The following GOLM2 variants were observed in gnomAD, a reference collection of about 807,000 sequenced individuals.
GOLM2 encodes golgi membrane protein 2.
Under a neutral mutation model 55.9 loss-of-function variants are expected in GOLM2, and 26 were observed. That is an observed-to-expected ratio of 0.47 (90% CI 0.34 to 0.65). The LOEUF is 0.65. Among genes scored for constraint, GOLM2 ranks in the 30% least tolerant of loss-of-function variants. GOLM2 has a pLI of 0.01. For missense variants in GOLM2, 486 were observed against 531.8 expected (o/e 0.91, Z 0.85); for synonymous variants, 165 against 194.6 (o/e 0.85, Z 1.27).
rs568188566 is a variant in GOLM2, at chr15:44,372,433, C to CT, written c.803-7250dup. ...ATGGGAGGAAAAGGCAGGATCAGTT[C>CT]TTTTTTTGCCTCTCAGAGTAGGGGC... On this transcript the variant is annotated intron_variant, in intron 6 of 9. Transcript: ENST00000299957. Among the ~76,000 whole-genome samples the CT allele has an allele frequency of 6.6e-4, 101 of 152,208 alleles. 1 individual carries two copies. Among genetic ancestry groups the CT allele is most frequent in the African/African-American group, 2.4e-3 (99 of 41,532 alleles).
intron 8 of GOLM2, among the ~76,000 whole-genome samples, chr15:44,384,907 TAA>T (rs137866986): frequency 2.5e-4 from 35 of 140,702 alleles, no homozygotes; most frequent in South Asian, 2.3e-4. Flanking sequence ...GACTGCATCT[TAA>T]AAAAAAAAAA....
chr15:44,329,397 T>C (rs938140079), intron 3 of GOLM2, among the ~76,000 whole-genome samples: 1 of 152,258 alleles, frequency 6.6e-6, no homozygotes, highest in South Asian at 2.1e-4. Flanking sequence ...CATTTCTGAC[T>C]TCTTACTCTT....
chr15:44,392,114 TG>T (rs1567042470), intron 8 of GOLM2, among the ~76,000 whole-genome samples: 1 of 151,886 alleles, frequency 6.6e-6, no homozygotes, highest in Non-Finnish European at 1.5e-5. Context: ...CCTCCCAAAG[TG>T]CTGGGATTAC....
chr15:44,393,808 C>T (rs1487316402), intron 8 of GOLM2, among the ~76,000 whole-genome samples: 6 of 152,280 alleles, frequency 3.9e-5, no homozygotes, highest in East Asian at 3.9e-4. Context: ...TCTCCTCCCT[C>T]AGCCTCCTGA....
chr15:44,298,630 T>G (rs777948247), intron 1 of GOLM2, among the ~76,000 whole-genome samples: 2 of 152,180 alleles, frequency 1.3e-5, no homozygotes, highest in Non-Finnish European at 2.9e-5. Context: ...TTCATTAACT[T>G]ATTTTGTTCA....
intron 6 of GOLM2, among the ~76,000 whole-genome samples, chr15:44,353,165 A>G (rs1229780427): frequency 6.6e-6 from 1 of 152,226 alleles, no homozygotes; most frequent in East Asian, 1.9e-4. Flanking sequence ...TCAAAGAACC[A>G]TAAATCAAAA....
intron 6 of GOLM2, among the ~76,000 whole-genome samples, chr15:44,360,074 A>G (rs2079226501): frequency 1.3e-5 from 2 of 152,200 alleles, no homozygotes; most frequent in South Asian, 2.1e-4. Flanking sequence ...GAAAGGAACA[A>G]CCACTACCAG....
Position 44,318,373 on chromosome 15 carries a change from C to G in GOLM2, c.328-4592C>G, listed in dbSNP as rs530117280. 9.8e-5 allele frequency among the ~76,000 whole-genome samples: 15 copies of G among 152,366 alleles called. No homozygotes were observed. The East Asian group carries it at 2.7e-3, about 27-fold the overall frequency. On this transcript the variant is annotated intron_variant, in intron 1 of 9. Coordinates refer to ENST00000299957, the MANE Select transcript of GOLM2 (RefSeq NM_138423.4). ...CTCCCTCCTTCTCATCTTGCCCACT[C>G]TGGTCTACTCTTCATGTTGCAGCCA...
intron 1 of GOLM2, among the ~76,000 whole-genome samples, chr15:44,318,700 C>T (rs2078928937): frequency 6.9e-6 from 1 of 145,772 alleles, no homozygotes; most frequent in South Asian, 2.2e-4. Context: ...CAGACCGACA[C>T]TCTGTCTCAA....
At chr15:44,359,646 G>A (rs1388241382) in intron 6 of GOLM2, among the ~76,000 whole-genome samples, 1 of 152,144 alleles carries the variant, frequency 6.6e-6, no homozygotes. Flanking sequence ...TTATCCAGGA[G>A]AACTTCCCCA....
At chr15:44,334,193 GA>G (rs150240014) in intron 4 of GOLM2, among the ~76,000 whole-genome samples, 4,498 of 152,172 alleles carry the variant, frequency 0.03, 105 homozygotes, top group East Asian at 0.1. Flanking sequence ...GGCAGGAATT[GA>G]GGTGCCCAGA....
intron 8 of GOLM2, among the ~76,000 whole-genome samples, chr15:44,385,453 C>T (rs551551720): frequency 7.3e-5 from 11 of 150,766 alleles, no homozygotes; most frequent in African/African-American, 2.7e-4. Context: ...TTTTTATTTG[C>T]ATTTCACTAA....
intron 1 of GOLM2, among the ~76,000 whole-genome samples, chr15:44,305,505 C>T (rs751604749): frequency 2.6e-5 from 4 of 152,032 alleles, no homozygotes; most frequent in Admixed American, 2.6e-4. Flanking sequence ...CCCCATGTTG[C>T]CCAGGCCCGT....
At chr15:44,365,847 T>G (rs2079279661) in intron 6 of GOLM2, among the ~76,000 whole-genome samples, 1 of 152,200 alleles carries the variant, frequency 6.6e-6, no homozygotes, top group Non-Finnish European at 1.5e-5. Flanking sequence ...CTTGGGTGAT[T>G]ACAGTGTGCC....
chr15:44,382,740 C>T lies in GOLM2; in HGVS notation c.1072+1764C>T, dbSNP rs181017773. Among the ~76,000 whole-genome samples, 703 of 151,438 alleles carry T rather than the reference C, an allele frequency of 4.6e-3. 4 individuals carry two copies. The highest frequency in any genetic ancestry group is 7.5e-3 in the Non-Finnish European group (508 of 67,840). ...AAGAAGGTGGTTGGAAATAATTGCT[C>T]GGAAATTATTACTCTCTACAATAAT... On this transcript the variant is annotated intron_variant, in intron 8 of 9. Coordinates refer to ENST00000299957, the MANE Select transcript of GOLM2 (RefSeq NM_138423.4).
At chr15:44,304,700 G>A (rs1239415747) in intron 1 of GOLM2, among the ~76,000 whole-genome samples, 1 of 152,022 alleles carries the variant, frequency 6.6e-6, no homozygotes, top group East Asian at 1.9e-4. Flanking sequence ...CCACAGGCCT[G>A]AGCCATCACT....
chr15:44,320,178 T>C (rs1423610241), intron 1 of GOLM2, among the ~76,000 whole-genome samples: 1 of 152,240 alleles, frequency 6.6e-6, no homozygotes, highest in Non-Finnish European at 1.5e-5. Flanking sequence ...CAGATAATAT[T>C]TGAACTTTTG....
At position 44,332,522 on chromosome 15, in the gene GOLM2, T is replaced by C. The variant is rs1346509144; in HGVS notation, c.576+444T>C. Among the ~76,000 whole-genome samples, 3 of 150,746 alleles carry C rather than the reference T, an allele frequency of 2.0e-5. No individual in the cohort carries two copies. The East Asian group carries it at 5.9e-4, about 30-fold the overall frequency. On this transcript the variant is annotated intron_variant, in intron 4 of 9. Coordinates refer to ENST00000299957, the MANE Select transcript of GOLM2 (RefSeq NM_138423.4). ...TTACAATGAGCCAAGATCACACCAC[T>C]GCACTCCAGTCTGGGCAACAGAGTG...
intron 6 of GOLM2, among the ~76,000 whole-genome samples, chr15:44,364,158 C>T (rs1266506922): frequency 6.6e-6 from 1 of 152,024 alleles, no homozygotes; most frequent in African/African-American, 2.4e-5. Context: ...CTAACCTGCA[C>T]ATTGTGCACA....
Sources: allele counts gnomAD v4.1 joint callset (sites outside exome capture counted in the v4.1 genomes callset), GRCh38; gene constraint gnomAD v4.1.1; transcripts MANE v1.5; gene names NCBI Gene and HGNC (gene_info 2026-07-23, HGNC 2026-07-21).